STK32B: variants seen among roughly 807,000 people sequenced by gnomAD.
The protein encoded by STK32B is serine/threonine kinase 32B, also known as serine/threonine-protein kinase 32B.
In STK32B, 43 loss-of-function variants were observed where a neutral mutation model predicts 52.6. The observed-to-expected ratio is 0.82, with a 90% confidence interval of 0.64 to 1.05. STK32B has a LOEUF of 1.05. Among genes scored for constraint, STK32B ranks in the 50% least tolerant of loss-of-function variants. The probability of loss-of-function intolerance (pLI) is 0.00; values close to 1 mark genes in which losing one functional copy is unlikely to be tolerated. For missense variants in STK32B, 621 were observed against 534.6 expected (o/e 1.16, Z -1.59); for synonymous variants, 238 against 204.3 (o/e 1.17, Z -1.41).
chr4:5,298,993 A>G (rs1427730555), intron 3 of STK32B, among the ~76,000 whole-genome samples: 4 of 152,118 alleles, frequency 2.6e-5, no homozygotes, highest in African/African-American at 7.2e-5. Flanking sequence ...TATCTGGGCC[A>G]GATAGCACTG....
chr4:5,264,428 T>C (rs1726922343), intron 3 of STK32B, among the ~76,000 whole-genome samples: 1 of 152,132 alleles, frequency 6.6e-6, no homozygotes, highest in Non-Finnish European at 1.5e-5. Context: ...TTAGTATTTA[T>C]GTATCTTCCT....
intron 3 of STK32B, among the ~76,000 whole-genome samples, chr4:5,281,750 T>G (rs1728213024): frequency 6.6e-6 from 1 of 152,158 alleles, no homozygotes; most frequent in Non-Finnish European, 1.5e-5. Context: ...AGTGCAAAAC[T>G]CAAATTAGTG....
chr4:5,373,523 G>C (rs963508738), intron 4 of STK32B, among the ~76,000 whole-genome samples: 2 of 152,172 alleles, frequency 1.3e-5, no homozygotes, highest in Non-Finnish European at 2.9e-5. Flanking sequence ...TCAACTGATC[G>C]GACAAGGCCC....
At chr4:5,328,397 T>A (rs1201409797) in intron 3 of STK32B, among the ~76,000 whole-genome samples, 6 of 152,228 alleles carry the variant, frequency 3.9e-5, no homozygotes, top group Non-Finnish European at 7.3e-5. Flanking sequence ...GAGAGATGTG[T>A]GATTCTTCCA....
intron 4 of STK32B, among the ~76,000 whole-genome samples, chr4:5,346,546 G>C (rs115996566): frequency 7.9e-5 from 12 of 152,238 alleles, no homozygotes; most frequent in Non-Finnish European, 1.3e-4. Flanking sequence ...ATGCAGGGAG[G>C]GATTGGGGTC....
intron 4 of STK32B, among the ~76,000 whole-genome samples, chr4:5,363,820 C>T (rs1191776312): frequency 6.6e-6 from 1 of 152,028 alleles, no homozygotes. Context: ...AGTGTTTACC[C>T]ATTATTTGCC....
At chr4:5,442,557 C>G (rs983456088) in intron 6 of STK32B, among the ~76,000 whole-genome samples, 11 of 150,914 alleles carry the variant, frequency 7.3e-5, no homozygotes, top group Admixed American at 3.3e-4. Flanking sequence ...ACTCTTTATC[C>G]AATTTGCCAG....
chr4:5,141,090 T>G (rs535110780), intron 2 of STK32B, among the ~76,000 whole-genome samples: 23 of 152,352 alleles, frequency 1.5e-4, no homozygotes, highest in Non-Finnish European at 2.8e-4. Context: ...ATATTTAAAT[T>G]TGAATTAATT....
At chr4:5,049,248 G>A (rs1189623427), upstream of STK32B, among the ~76,000 whole-genome samples, 1 of 151,534 alleles carries the variant, frequency 6.6e-6, no homozygotes, top group Non-Finnish European at 1.5e-5. Flanking sequence ...CCAGGTTGGA[G>A]TGCAGTGGCA....
chr4:5,331,458 C>A, intron 4 of STK32B, 65 bp downstream of exon 4: 1 of 1,527,278 alleles, frequency 6.5e-7, no homozygotes, highest in South Asian at 1.3e-5. Flanking sequence ...CAGGAGCAGT[C>A]TGCAGTAGTG....
chr4:5,155,229 C>T (rs569245659), intron 2 of STK32B, among the ~76,000 whole-genome samples: 80 of 152,210 alleles, frequency 5.3e-4, no homozygotes, highest in Non-Finnish European at 1.1e-3. Flanking sequence ...CCCTCTTCGT[C>T]TCCACCTCAA....
At chr4:5,176,235 C>G (rs1295010969) in intron 3 of STK32B, among the ~76,000 whole-genome samples, 4 of 152,148 alleles carry the variant, frequency 2.6e-5, no homozygotes, top group Non-Finnish European at 4.4e-5. Flanking sequence ...AATTCTCTGA[C>G]CCGTTGCACT....
chr4:5,172,709 G>A (rs1467431812), intron 3 of STK32B, among the ~76,000 whole-genome samples: 3 of 152,104 alleles, frequency 2.0e-5, no homozygotes, highest in Admixed American at 6.6e-5. Context: ...GATTCGGTTT[G>A]CCAGTATTTT....
intron 3 of STK32B, among the ~76,000 whole-genome samples, chr4:5,290,480 A>C (rs1378923047): frequency 6.6e-6 from 1 of 152,222 alleles, no homozygotes; most frequent in Non-Finnish European, 1.5e-5. Context: ...GGCCAAGATC[A>C]TCAAGATATC....
At chr4:5,484,064 G>A (rs1318836663) in intron 11 of STK32B, among the ~76,000 whole-genome samples, 12 of 152,166 alleles carry the variant, frequency 7.9e-5, no homozygotes, top group African/African-American at 2.9e-4. Flanking sequence ...TGTATATTCT[G>A]TTGATTTGGG....
chr4:5,318,010 C>A (rs1321731217), intron 3 of STK32B, among the ~76,000 whole-genome samples: 1 of 152,106 alleles, frequency 6.6e-6, no homozygotes. Context: ...TTCACAAGGT[C>A]CCCAGATCCT....
At chr4:5,038,359 T>C in the STK32B span, among the ~76,000 whole-genome samples, 1 of 152,200 alleles carries the variant, frequency 6.6e-6, no homozygotes, top group African/African-American at 2.4e-5. Flanking sequence ...ATTCAAAACA[T>C]AGTCATGCAT....
At chr4:5,237,194 A>G (rs1724694732) in intron 3 of STK32B, among the ~76,000 whole-genome samples, 1 of 152,172 alleles carries the variant, frequency 6.6e-6, no homozygotes, top group Non-Finnish European at 1.5e-5. Flanking sequence ...AGGCTGGGTC[A>G]TGCACCCATC....
chr4:5,436,240 C>T (rs1247504131), intron 6 of STK32B, among the ~76,000 whole-genome samples: 1 of 152,144 alleles, frequency 6.6e-6, no homozygotes, highest in East Asian at 1.9e-4. Context: ...GAGTTGGGCC[C>T]CTGTGAACAT....
Sources: allele counts gnomAD v4.1 joint callset (sites outside exome capture counted in the v4.1 genomes callset), GRCh38; gene constraint gnomAD v4.1.1; transcripts MANE v1.5; gene names NCBI Gene and HGNC (gene_info 2026-07-23, HGNC 2026-07-21).